The following UCHL5 variants were observed in gnomAD, a reference collection of about 807,000 sequenced individuals.
UCHL5 encodes the protein ubiquitin carboxyl-terminal hydrolase isozyme L5.
Under a neutral mutation model 53.8 loss-of-function variants are expected in UCHL5, and 34 were observed. The observed-to-expected ratio is 0.63, with a 90% confidence interval of 0.48 to 0.84. UCHL5 has a LOEUF of 0.84. Among genes scored for constraint, UCHL5 ranks in the 40% least tolerant of loss-of-function variants. The pLI, the probability that UCHL5 is intolerant of heterozygous loss-of-function variation, is 0.00. For missense variants in UCHL5, 290 were observed against 385.6 expected, an observed-to-expected ratio of 0.75 and a Z score of 2.08; for synonymous variants, 111 against 126.3, an observed-to-expected ratio of 0.88 and a Z score of 0.81.
rs1461401806 is a variant in UCHL5, at chr1:193,025,078, C to G, written c.630-1132G>C. Among the ~76,000 whole-genome samples the G allele has an allele frequency of 5.3e-5, 8 of 152,084 alleles. No homozygotes were observed. The East Asian group carries it at 1.5e-3, about 29-fold the overall frequency. ...ATAGTGAATTTCCTGAGGTTTTTTT[C>G]TGCCTCATATATCCCAGAATTGGAG... is the stretch of plus-strand genomic sequence containing the variant. On this transcript the variant is annotated intron_variant, in intron 7 of 10. Coordinates refer to ENST00000367454, the MANE Select transcript of UCHL5 (RefSeq NM_001199261.3).
At chr1:193,021,068 ATT>A in intron 10 of UCHL5, 27 bp downstream of exon 10, 1 of 1,492,026 alleles carries the variant, frequency 6.7e-7, no homozygotes, top group East Asian at 2.3e-5. Flanking sequence ...TCTAAACTTA[ATT>A]TAAGTATCTA....
At chr1:193,043,790 T>C (rs1666502052) in intron 3 of UCHL5, among the ~76,000 whole-genome samples, 1 of 152,138 alleles carries the variant, frequency 6.6e-6, no homozygotes, top group Non-Finnish European at 1.5e-5. Flanking sequence ...TGGATGGCAA[T>C]ACTCTGCATA....
In UCHL5 at chr1:193,059,160, C is replaced by T; in HGVS notation, c.76+25G>A. ...TGGGCCTCCTCCCGTGACCCCAGGC[C>T]CAGGACGGTCCCCTTGGTTCTCACC... On this transcript the variant is annotated intron_variant, in intron 1 of 10. Coordinates refer to ENST00000367454, the MANE Select transcript of UCHL5 (RefSeq NM_001199261.3). This position sits in a 1 kb window ranked among gnomAD's most constrained non-coding sequence, Gnocchi z 4.9. The T allele has an allele frequency of 6.4e-7, 1 of 1,558,716 alleles. No individual in the cohort carries two copies. Among genetic ancestry groups the T allele is most frequent in the Non-Finnish European group, 8.7e-7 (1 of 1,149,414 alleles).
chr1:193,020,854 A>G (rs1300080517), intron 10 of UCHL5, among the ~76,000 whole-genome samples: 2 of 151,992 alleles, frequency 1.3e-5, no homozygotes, highest in East Asian at 1.9e-4. Context: ...TTAATACAGC[A>G]TAACCTGAGG....
intron 3 of UCHL5, among the ~76,000 whole-genome samples, chr1:193,042,114 GA>G (rs923430969): frequency 8.3e-4 from 107 of 129,298 alleles, no homozygotes; most frequent in African/African-American, 2.2e-3. Flanking sequence ...TCCAAAAAAA[GA>G]AAAAAAAAAA....
upstream of UCHL5, chr1:193,059,599 G>A: frequency 2.8e-6 from 4 of 1,453,152 alleles, no homozygotes; most frequent in Non-Finnish European, 3.7e-6. This position sits in a 1 kb window ranked among gnomAD's most constrained non-coding sequence, Gnocchi z 4.9. Flanking sequence ...CGGGGCAAAA[G>A]AAGAGGGGCA....
intron 10 of UCHL5, chr1:193,018,728 T>C: frequency 7.1e-7 from 1 of 1,414,336 alleles, no homozygotes; most frequent in Non-Finnish European, 9.3e-7. Context: ...CTGTAGAATC[T>C]CAGCATATAG....
At chr1:193,059,556 A>G (rs1672160190), upstream of UCHL5, 2 of 1,529,756 alleles carry the variant, frequency 1.3e-6, no homozygotes, top group African/African-American at 1.4e-5. The surrounding 1 kb of genome is among the most constrained non-coding windows in gnomAD (Gnocchi z 4.9). Context: ...CGAGGAGGCA[A>G]CATCCGGGAT....
chr1:193,014,775 GCT>G lies in UCHL5; in HGVS notation c.*1574_*1575del, dbSNP rs140093757. 1.3e-5 allele frequency: 2 copies of G among 151,926 alleles called. No individual in the cohort carries two copies. The highest frequency in any genetic ancestry group is 2.9e-5 in the Non-Finnish European group (2 of 67,932). 9.4% of individuals were successfully genotyped at this position (151,926 alleles called of 1,614,324 possible). ...CATATAAACGTTGATCTGTTTTCAG[GCT>G]CTCTCTTCTGTTCCATTGCTTTATT... On this transcript the variant is annotated 3_prime_UTR_variant, in exon 11 of 11. Coordinates refer to ENST00000367454, the MANE Select transcript of UCHL5 (RefSeq NM_001199261.3).
In UCHL5 at chr1:193,028,119, C is replaced by A. The variant is rs1270520382; in HGVS notation, c.595G>T (p.Ala199Ser). The A allele has an allele frequency of 1.2e-6, 2 of 1,606,480 alleles. No individual in the cohort carries two copies. Among genetic ancestry groups the A allele is most frequent in the East Asian group, 4.5e-5 (2 of 44,644 alleles). ...GACNQDDWIS[A>S]VRPVIEKRIQ... ...CTTTTTTCTATGACAGGCCTTACTGCACTGATCCAATCATCTTGATTGCAT... is the reference window on the plus strand; with the variant it reads ...CTTTTTTCTATGACAGGCCTTACTGAACTGATCCAATCATCTTGATTGCAT... The change falls in exon 7 of 11, where the codon GCA becomes TCA. Residue 199 changes from alanine to serine, a missense_variant. By Grantham distance (99) the Ala-to-Ser change is moderately conservative. Coordinates refer to ENST00000367454, the MANE Select transcript of UCHL5 (RefSeq NM_001199261.3).
At chr1:193,019,577 G>C (rs144679930) in intron 10 of UCHL5, among the ~76,000 whole-genome samples, 6 of 151,736 alleles carry the variant, frequency 4.0e-5, no homozygotes, top group African/African-American at 1.4e-4. Flanking sequence ...CTTTCCTTAA[G>C]AAAATGAAGG....
At chr1:193,016,639 GA>G (rs879705098) in intron 10 of UCHL5, among the ~76,000 whole-genome samples, 9 of 151,758 alleles carry the variant, frequency 5.9e-5, no homozygotes, top group Admixed American at 1.3e-4. Context: ...ATCTGAAGGT[GA>G]AATGAATTAT....
chr1:193,024,669 T>G (rs981938761), intron 7 of UCHL5, among the ~76,000 whole-genome samples: 17 of 151,092 alleles, frequency 1.1e-4, no homozygotes, highest in Non-Finnish European at 1.9e-4. Flanking sequence ...TTCACTACTC[T>G]GATATCAATG....
In UCHL5 at chr1:193,017,641, G is replaced by C. The variant is rs1247457410; in HGVS notation, c.943-1246C>G. 3.3e-5 allele frequency among the ~76,000 whole-genome samples: 5 copies of C among 151,632 alleles called. No homozygotes were observed. In the East Asian group the frequency reaches 9.7e-4, roughly 29 times the overall value. On this transcript the variant is annotated intron_variant, in intron 10 of 10. Transcript: ENST00000367454. The stretch of plus-strand genomic sequence containing the variant: ...CTTATTGATCTGAGTATACTTAATA[G>C]AATATTGAGAAGGATTAACAAGAAA...
At chr1:193,022,664 CAAAAAA>C (rs1291548226) in intron 9 of UCHL5, among the ~76,000 whole-genome samples, 2 of 53,974 alleles carry the variant, frequency 3.7e-5, no homozygotes, top group African/African-American at 1.3e-4. Context: ...AGACTCTGTC[CAAAAAA>C]AAAAAAAAAA....
At chr1:193,019,902 A>C in intron 10 of UCHL5, 1 of 968,850 alleles carries the variant, frequency 1.0e-6, no homozygotes, top group Non-Finnish European at 1.2e-6. Context: ...CTGATGTATC[A>C]CATATTTAGC....
chr1:193,059,385 C>A, upstream of UCHL5: 4 of 1,608,802 alleles, frequency 2.5e-6, no homozygotes, highest in Non-Finnish European at 2.5e-6. This position sits in a 1 kb window ranked among gnomAD's most constrained non-coding sequence, Gnocchi z 4.9. Context: ...ACCCCGCCTA[C>A]TTCCCGACAG....
chr1:193,023,043 G>A lies in UCHL5; in HGVS notation c.733-7C>T. On this transcript the variant is annotated splice_polypyrimidine_tract_variant and splice_region_variant and intron_variant, in intron 8 of 10. Coordinates refer to ENST00000367454, the MANE Select transcript of UCHL5 (RefSeq NM_001199261.3). Reference sequence around the variant, plus strand: ...GATCTGTATCCATGGGTTCCTCCTTGGGGGAAGGAAAAGAAATAGCACACC... The same window carrying A: ...GATCTGTATCCATGGGTTCCTCCTTAGGGGAAGGAAAAGAAATAGCACACC... The A allele has an allele frequency of 6.3e-7, 1 of 1,594,158 alleles. No individual in the cohort carries two copies. Among genetic ancestry groups the A allele is most frequent in the Non-Finnish European group, 8.6e-7 (1 of 1,165,206 alleles).
At chr1:193,036,350 A>G (rs1663460846) in intron 3 of UCHL5, among the ~76,000 whole-genome samples, 1 of 147,846 alleles carries the variant, frequency 6.8e-6, no homozygotes, top group African/African-American at 2.5e-5. Flanking sequence ...AAAGAACAGG[A>G]GTACTATCCT....
Sources: gnomAD v4.1 joint callset for allele counts (sites outside exome capture counted in the v4.1 genomes callset) on GRCh38, gnomAD v4.1.1 for gene constraint, Gnocchi (gnomAD v3.1) non-coding constraint, MANE v1.5 for transcripts, NCBI Gene and HGNC (gene_info 2026-07-23, HGNC 2026-07-21) for gene names.